The following TMEM116 variants were observed in gnomAD, a reference collection of about 807,000 sequenced individuals.
TMEM116 encodes the protein transmembrane protein 116.
A neutral mutation model predicts 44.3 loss-of-function variants in TMEM116; 38 were observed. The ratio of observed to expected loss-of-function variants is 0.86; its 90% confidence interval spans 0.66 to 1.12. The LOEUF (loss-of-function observed/expected upper bound fraction) is 1.12, where lower values mean the gene tolerates loss of function less well. Among genes scored for constraint, TMEM116 ranks in the 50% most tolerant of loss-of-function variants. The pLI is 0.00. For missense variants in TMEM116, 354 were observed against 401.7 expected (o/e 0.88, Z 1.01); for synonymous variants, 132 against 144.8 (o/e 0.91, Z 0.64).
intron 5 of TMEM116, among the ~76,000 whole-genome samples, chr12:111,939,337 C>A (rs548035536): frequency 2.8e-4 from 42 of 151,776 alleles, no homozygotes; most frequent in African/African-American, 9.9e-4. Context: ...CCTGTAGTCC[C>A]AGCTACTCAG....
At chr12:111,970,823 C>T (rs932078558) in intron 4 of TMEM116, among the ~76,000 whole-genome samples, 3 of 151,894 alleles carry the variant, frequency 2.0e-5, no homozygotes, top group Non-Finnish European at 2.9e-5. Context: ...CTGCTGACCT[C>T]GTGATCCGCC....
At chr12:111,945,343 CAAAAAAAAA>C (rs917839133) in intron 4 of TMEM116, among the ~76,000 whole-genome samples, 1 of 33,814 alleles carries the variant, frequency 3.0e-5, no homozygotes, top group Non-Finnish European at 7.7e-5. Flanking sequence ...GACTCCATCT[CAAAAAAAAA>C]AAAAAAAAAA....
At position 111,993,657 on chromosome 12, in the gene TMEM116, G is replaced by C. The variant is rs559932490; in HGVS notation, c.79-1768C>G. ...GGGTTGCTCCTCTCTGGATGAGACA[G>C]ATAGCATATGCCATGATGAAGTTTG... On this transcript the variant is annotated intron_variant, in intron 3 of 10. Transcript: ENST00000552374. 37 of 589,984 alleles carry C rather than the reference G, an allele frequency of 6.3e-5. No individual in the cohort carries two copies. In the East Asian group the frequency reaches 1.3e-3, roughly 20 times the overall value. 36.5% of individuals were successfully genotyped at this position (589,984 alleles called of 1,614,324 possible). A position where few individuals can be genotyped will look rare whatever the true frequency, so the allele number is the denominator to read the frequency against.
chr12:111,964,569 A>T (rs563259934), intron 4 of TMEM116, among the ~76,000 whole-genome samples: 2 of 152,218 alleles, frequency 1.3e-5, no homozygotes, highest in Non-Finnish European at 2.9e-5. Flanking sequence ...CACGAACCAA[A>T]TTTTTTTTCC....
intron 5 of TMEM116, among the ~76,000 whole-genome samples, chr12:111,941,467 T>C (rs7295665): frequency 0.2 from 29,854 of 151,860 alleles, 3,153 homozygotes; most frequent in Middle Eastern, 0.27. Context: ...TTGCACAATA[T>C]AGTAGCTGCA....
At chr12:111,939,880 C>CTGTGTG (rs61322648) in intron 5 of TMEM116, among the ~76,000 whole-genome samples, 2,256 of 130,388 alleles carry the variant, frequency 0.017, 29 homozygotes, top group South Asian at 0.026. Flanking sequence ...CTTCAAAGCT[C>CTGTGTG]TGTGTGTGTG....
At chr12:111,970,954 G>A (rs915470414) in intron 4 of TMEM116, among the ~76,000 whole-genome samples, 6 of 152,140 alleles carry the variant, frequency 3.9e-5, no homozygotes, top group Non-Finnish European at 7.3e-5. Flanking sequence ...AACATGTTAC[G>A]TACAGAGGAA....
Position 111,942,771 on chromosome 12 carries a change from TGTGTGTGTGTGG to T in TMEM116, c.315+482_315+493del, listed in dbSNP as rs59385737. 0.058 allele frequency among the ~76,000 whole-genome samples: 8,712 copies of T among 151,258 alleles called. 1,301 individuals are homozygous for T. The East Asian group carries it at 0.61, about 11-fold the overall frequency. On this transcript the variant is annotated intron_variant, in intron 5 of 10. Transcript: ENST00000552374. ...CTATAATCAAACCTGTATGTGTATG[TGTGTGTGTGTGG>T]GTGTGTGTGTGGGTGTGTGTATGTG...
intron 4 of TMEM116, among the ~76,000 whole-genome samples, chr12:111,959,096 G>C (rs2074381341): frequency 6.6e-6 from 1 of 152,156 alleles, no homozygotes; most frequent in Non-Finnish European, 1.5e-5. Context: ...GGCAGCCAGA[G>C]AGAAAGGTCA....
At chr12:111,947,813 A>G (rs987671112) in intron 4 of TMEM116, among the ~76,000 whole-genome samples, 1 of 152,232 alleles carries the variant, frequency 6.6e-6, no homozygotes, top group Non-Finnish European at 1.5e-5. Flanking sequence ...CAAAACTCCA[A>G]TGCAAAAATT....
At chr12:111,999,646 A>T (rs1157886644) in intron 3 of TMEM116, among the ~76,000 whole-genome samples, 3 of 152,056 alleles carry the variant, frequency 2.0e-5, no homozygotes, top group Non-Finnish European at 2.9e-5. Flanking sequence ...ACACATGTAT[A>T]TAGTAACTAA....
At chr12:111,959,880 A>G (rs569265599) in intron 4 of TMEM116, among the ~76,000 whole-genome samples, 6 of 152,312 alleles carry the variant, frequency 3.9e-5, no homozygotes, top group Admixed American at 3.3e-4. Flanking sequence ...ACCTACAAAG[A>G]GATTTAGACT....
intron 4 of TMEM116, among the ~76,000 whole-genome samples, chr12:111,958,758 A>T (rs1296466056): frequency 6.6e-6 from 1 of 152,194 alleles, no homozygotes; most frequent in East Asian, 1.9e-4. Flanking sequence ...GAGATTGAAG[A>T]TCAACTGAAT....
intron 4 of TMEM116, among the ~76,000 whole-genome samples, chr12:111,961,908 T>C (rs949248923): frequency 6.6e-6 from 1 of 152,200 alleles, no homozygotes; most frequent in African/African-American, 2.4e-5. Context: ...CATGATTGTA[T>C]ATTTAGAAAA....
At chr12:111,986,585 G>A (rs2076241835) in intron 4 of TMEM116, among the ~76,000 whole-genome samples, 1 of 152,112 alleles carries the variant, frequency 6.6e-6, no homozygotes, top group Non-Finnish European at 1.5e-5. Context: ...TAAGGCGGGA[G>A]GACTGCTTGA....
At chr12:111,988,654 G>C (rs1214101773) in intron 4 of TMEM116, among the ~76,000 whole-genome samples, 1 of 139,764 alleles carries the variant, frequency 7.2e-6, no homozygotes, top group African/African-American at 2.7e-5. Flanking sequence ...AGCCGAGACT[G>C]TGCCACTGCA....
At chr12:112,004,204 C>T (rs918189986) in intron 2 of TMEM116, among the ~76,000 whole-genome samples, 1 of 151,938 alleles carries the variant, frequency 6.6e-6, no homozygotes, top group Non-Finnish European at 1.5e-5. Flanking sequence ...TAGTCTCAAA[C>T]TCCTGGCCTC....
intron 7 of TMEM116, 121 bp downstream of exon 7, chr12:111,937,039 T>C (rs1321635396): frequency 8.5e-6 from 9 of 1,064,970 alleles, no homozygotes; most frequent in East Asian, 5.1e-5. Flanking sequence ...TCTTGTTCCT[T>C]AGCCCATTTC....
intron 4 of TMEM116, among the ~76,000 whole-genome samples, chr12:111,967,976 G>A (rs2075077295): frequency 1.3e-5 from 2 of 152,264 alleles, no homozygotes; most frequent in South Asian, 4.1e-4. Context: ...AACTGAGGGA[G>A]GCCTTGTGAA....
Sources: gnomAD v4.1 joint callset for allele counts (sites outside exome capture counted in the v4.1 genomes callset) on GRCh38, gnomAD v4.1.1 for gene constraint, MANE v1.5 for transcripts, NCBI Gene and HGNC (gene_info 2026-07-23, HGNC 2026-07-21) for gene names.